The following PEX5L variants were observed in gnomAD, a reference collection of about 807,000 sequenced individuals.
PEX5L encodes the protein PEX5-related protein.
PEX5L carries 30 observed loss-of-function variants against 84.0 expected under a neutral mutation model. The observed-to-expected ratio is 0.36, with a 90% confidence interval of 0.27 to 0.48. The LOEUF is 0.48. Ranked by LOEUF, PEX5L falls within the 20% of genes least tolerant of loss-of-function variation. The pLI is 0.99. For synonymous variants in PEX5L, 270 were observed against 283.1 expected, an observed-to-expected ratio of 0.95 and a Z score of 0.46; for missense variants, 533 against 754.6, an observed-to-expected ratio of 0.71 and a Z score of 3.44.
At chr3:179,917,071 T>C (rs1188657015) in intron 2 of PEX5L, among the ~76,000 whole-genome samples, 1 of 148,118 alleles carries the variant, frequency 6.8e-6, no homozygotes, top group Non-Finnish European at 1.5e-5. Flanking sequence ...CCTTATTCTA[T>C]AAGGTTTTTT....
At chr3:179,896,725 G>A (rs989187858) in intron 3 of PEX5L, among the ~76,000 whole-genome samples, 5 of 152,066 alleles carry the variant, frequency 3.3e-5, no homozygotes, top group African/African-American at 4.8e-5. Context: ...CTTATCTACC[G>A]TTGTATGGCT....
At chr3:179,942,550 TC>T (rs2109824221) in intron 2 of PEX5L, among the ~76,000 whole-genome samples, 1 of 152,348 alleles carries the variant, frequency 6.6e-6, no homozygotes, top group Admixed American at 6.5e-5. Flanking sequence ...TATCTTGAAT[TC>T]TTTGGTCCTC....
intron 8 of PEX5L, among the ~76,000 whole-genome samples, chr3:179,842,676 C>G (rs909561242): frequency 1.3e-5 from 2 of 151,988 alleles, no homozygotes; most frequent in Non-Finnish European, 2.9e-5. Flanking sequence ...GGCAGGAAGA[C>G]CACTGAAGAG....
At chr3:180,012,164 T>C (rs901221416) in intron 1 of PEX5L, among the ~76,000 whole-genome samples, 16 of 152,176 alleles carry the variant, frequency 1.1e-4, no homozygotes, top group African/African-American at 3.9e-4. Context: ...CATCACACAA[T>C]AGTGATACAA....
In PEX5L at chr3:179,994,339, G is replaced by T. The variant is rs1284072994; in HGVS notation, c.22-22674C>A. 2.0e-5 allele frequency among the ~76,000 whole-genome samples: 3 copies of T among 152,202 alleles called. No homozygotes were observed. The East Asian group carries it at 5.8e-4, about 29-fold the overall frequency. ...AATTCTGACCTTCAGATTAACCTTT[G>T]CCAGCTTCTAGTGTGTGATGTCTTC... On this transcript the variant is annotated intron_variant, in intron 1 of 14. Coordinates refer to ENST00000467460, the MANE Select transcript of PEX5L (RefSeq NM_016559.3).
At chr3:180,022,977 A>G (rs1241554054) in intron 1 of PEX5L, among the ~76,000 whole-genome samples, 1 of 151,944 alleles carries the variant, frequency 6.6e-6, no homozygotes, top group African/African-American at 2.4e-5. Flanking sequence ...AGTGATTTCT[A>G]CCCTCCAAGG....
intron 2 of PEX5L, among the ~76,000 whole-genome samples, chr3:179,951,957 C>G (rs1779203663): frequency 6.6e-6 from 1 of 152,126 alleles, no homozygotes; most frequent in Non-Finnish European, 1.5e-5. Context: ...CAACATATTT[C>G]CAATAGTGGA....
Position 179,801,652 on chromosome 3 carries a change from C to A in PEX5L, c.*176G>T. ...TTGACTCTATATACAACATTTTGTG[C>A]TTTTGGATCTGAACAGAGACTGGGC... is the stretch of plus-strand genomic sequence containing the variant. On this transcript the variant is annotated 3_prime_UTR_variant, in exon 15 of 15. Transcript: ENST00000467460. The A allele has an allele frequency of 1.7e-6, 1 of 598,604 alleles. No individual in the cohort carries two copies. The highest frequency in any genetic ancestry group is 2.8e-5 in the East Asian group (1 of 36,042). The allele number at this position is 598,604 out of a possible 1,614,324, so 37.1% of individuals were successfully genotyped here. A position where few individuals can be genotyped will look rare whatever the true frequency, so the allele number is the denominator to read the frequency against.
intron 2 of PEX5L, among the ~76,000 whole-genome samples, chr3:179,900,962 AT>A (rs1761119990): frequency 6.6e-6 from 1 of 152,180 alleles, no homozygotes. Context: ...TCAATGCAAG[AT>A]TTCCCCCAAA....
chr3:179,904,004 G>A (rs1180141680), intron 2 of PEX5L, among the ~76,000 whole-genome samples: 1 of 152,144 alleles, frequency 6.6e-6, no homozygotes, highest in Non-Finnish European at 1.5e-5. Context: ...ATTCATATGT[G>A]GAATTTACAA....
chr3:180,010,404 C>G (rs1003736470), intron 1 of PEX5L, among the ~76,000 whole-genome samples: 22 of 151,930 alleles, frequency 1.4e-4, no homozygotes, highest in African/African-American at 5.1e-4. Context: ...CTAGTGGCAT[C>G]TAGTGGGTAG....
chr3:179,994,288 T>A (rs1787654027), intron 1 of PEX5L, among the ~76,000 whole-genome samples: 1 of 152,262 alleles, frequency 6.6e-6, no homozygotes, highest in Non-Finnish European at 1.5e-5. Context: ...GGAAGGTTTT[T>A]TATACATTAA....
At chr3:179,888,349 T>G (rs368506919) in intron 3 of PEX5L, among the ~76,000 whole-genome samples, 7 of 152,190 alleles carry the variant, frequency 4.6e-5, no homozygotes, top group African/African-American at 1.7e-4. Flanking sequence ...AATATTATTT[T>G]GGGAGAGTAG....
intron 8 of PEX5L, among the ~76,000 whole-genome samples, chr3:179,833,689 C>T (rs1000741707): frequency 6.6e-6 from 1 of 152,046 alleles, no homozygotes; most frequent in African/African-American, 2.4e-5. Context: ...GGGACTCTTT[C>T]AGTGTTGGCT....
At chr3:179,960,057 C>A (rs1239847765) in intron 2 of PEX5L, among the ~76,000 whole-genome samples, 2 of 151,600 alleles carry the variant, frequency 1.3e-5, no homozygotes, top group African/African-American at 2.4e-5. Flanking sequence ...TTTTTTTTCT[C>A]ATTTCTCCCT....
chr3:179,856,737 C>T (rs1744124817), intron 8 of PEX5L, among the ~76,000 whole-genome samples: 1 of 152,252 alleles, frequency 6.6e-6, no homozygotes, highest in African/African-American at 2.4e-5. Context: ...CTGGTGGGCA[C>T]CATTTCCCTT....
At chr3:179,947,327 T>C (rs1018209699) in intron 2 of PEX5L, among the ~76,000 whole-genome samples, 2 of 152,058 alleles carry the variant, frequency 1.3e-5, no homozygotes, top group Non-Finnish European at 2.9e-5. Context: ...TTATAATAAA[T>C]ATTACACAAT....
At chr3:179,805,148 T>A in intron 14 of PEX5L, among the ~76,000 whole-genome samples, 1 of 82,392 alleles carries the variant, frequency 1.2e-5, no homozygotes, top group South Asian at 3.6e-4. Context: ...TCGATGGTCT[T>A]TTTTTTTTTT....
rs62291566 is a variant in PEX5L at position 179,808,283 on chromosome 3, C to A, written c.1507G>T (p.Val503Phe). The A allele has an allele frequency of 1.3e-6, 2 of 1,575,124 alleles. No individual in the cohort carries two copies. The highest frequency in any genetic ancestry group is 1.2e-5 in the South Asian group (1 of 83,942). ...AIDAFNAALT[V>F]RPEDYSLWNR... The stretch of plus-strand genomic sequence containing the variant: ...CTGTGCTGTCTTACCTCTGGCCGAA[C>A]AGTTAAGGCAGCGTTAAATGCATCT... Residue 503 changes from valine (V) to phenylalanine (F), a missense_variant, in exon 13 of 15, where the codon GTT (valine) becomes TTT (phenylalanine). Val to Phe is a conservative substitution (Grantham distance 50). Coordinates refer to ENST00000467460, the MANE Select transcript of PEX5L (RefSeq NM_016559.3).
Sources: allele counts gnomAD v4.1 joint callset (sites outside exome capture counted in the v4.1 genomes callset), GRCh38; gene constraint gnomAD v4.1.1; transcripts MANE v1.5; gene names NCBI Gene and HGNC (gene_info 2026-07-23, HGNC 2026-07-21).